The following GLA variants were observed in gnomAD, a reference collection of about 807,000 sequenced individuals.
GLA encodes the protein alpha-galactosidase A.
In GLA, 4 loss-of-function variants were observed where a neutral mutation model predicts 28.2. That is an observed-to-expected ratio of 0.14 (90% CI 0.07 to 0.32). The LOEUF (loss-of-function observed/expected upper bound fraction) is 0.32. GLA is among the 10% of genes least tolerant of loss of function. The pLI, the probability that GLA is intolerant of heterozygous loss-of-function variation, is 1.00. For synonymous variants in GLA, 94 were observed against 113.0 expected, an observed-to-expected ratio of 0.83 and a Z score of 1.07; for missense variants, 203 against 323.7, an observed-to-expected ratio of 0.63 and a Z score of 2.86.
intron 1 of GLA, among the ~76,000 whole-genome samples, chrX:101,405,387 A>C (rs1021208274): frequency 3.6e-5 from 4 of 112,023 alleles, no homozygotes; most frequent in East Asian, 5.5e-4. Context: ...TATTTATTAA[A>C]TGTGGCATTT....
Position 101,407,828 on chromosome X carries a change from T to C in GLA, c.76A>G (p.Ile26Val). 8.3e-7 allele frequency: 1 copy of C among 1,210,923 alleles called. No homozygotes were observed. Among genetic ancestry groups the C allele is most frequent in the Non-Finnish European group, 1.1e-6 (1 of 894,595 alleles). ...TTGTCCAGTGCTCTAGCCCCAGGGATGTCCCAGGAAACGAGGGCCAGGAAG... is the reference window on the plus strand; with the variant it reads ...TTGTCCAGTGCTCTAGCCCCAGGGACGTCCCAGGAAACGAGGGCCAGGAAG... ...LRFLALVSWD[I>V]PGARALDNGL... The change falls in exon 1 of 7, where the codon ATC becomes GTC. Residue 26 changes from isoleucine (I) to valine (V), a missense_variant. By Grantham distance (29) the Ile-to-Val change is conservative (BLOSUM62 3). Transcript: ENST00000218516.
chrX:101,399,295 G>A (rs1468139011), intron 4 of GLA, among the ~76,000 whole-genome samples: 3 of 112,875 alleles, frequency 2.7e-5, no homozygotes, highest in African/African-American at 9.7e-5. Context: ...GGCTGGGCAC[G>A]GTGGCTCATG....
chrX:101,403,772 AGTCCTCTG>A (rs782265160), intron 2 of GLA, 31 bp downstream of exon 2: 1 of 1,162,441 alleles, frequency 8.6e-7, no homozygotes, highest in Non-Finnish European at 1.2e-6. Flanking sequence ...AAGTGCTTAC[AGTCCTCTG>A]AATGAACAAG....
chrX:101,399,250 C>T (rs940323299), intron 4 of GLA, among the ~76,000 whole-genome samples: 3 of 112,501 alleles, frequency 2.7e-5, no homozygotes, highest in Non-Finnish European at 3.7e-5. Flanking sequence ...AAATCCCAGG[C>T]ATATAGTTTG....
At chrX:101,398,670 T>G in intron 5 of GLA, 103 bp from the exon 6 acceptor site, 1 of 1,021,135 alleles carries the variant, frequency 9.8e-7, no homozygotes, top group Admixed American at 2.2e-5. Context: ...CATCCTGCTC[T>G]AAGTACTCTC....
chrX:101,398,961 A>G lies in GLA; in HGVS notation c.640-15T>C. 8.5e-7 allele frequency: 1 copy of G among 1,182,818 alleles called. No individual in the cohort carries two copies. Among genetic ancestry groups the G allele is most frequent in the Non-Finnish European group, 1.1e-6 (1 of 870,134 alleles). On this transcript the variant is annotated splice_polypyrimidine_tract_variant and intron_variant, in intron 4 of 6. Transcript: ENST00000218516. ...GTATAATTGGGCTGTGAAAACAGAT[A>G]TGACTCTTCTGTTTACTTTCTACTA...
rs886039140 is a variant in GLA at position 101,403,967 on chromosome X, C to T, written c.213G>A (p.Glu71=). Residue 71 remains glutamate (E), a synonymous_variant, in exon 2 of 7, where the codon GAG becomes GAA. Coordinates refer to ENST00000218516, the MANE Select transcript of GLA (RefSeq NM_000169.3). ...CTTCTGAGACCATGAGCTCTGCCAT[C>T]TCCATGAAGAGCTTCTCACTGAAAG... ...DSCISEKLFM[E]MAELMVSEGW... The T allele has an allele frequency of 8.3e-7, 1 of 1,208,150 alleles. No individual in the cohort carries two copies. The highest frequency in any genetic ancestry group is 1.1e-6 in the Non-Finnish European group (1 of 892,204).
rs782692856 is a variant in GLA, at chrX:101,398,774, C to T, written c.801+11G>A. On this transcript the variant is annotated intron_variant, in intron 5 of 6. Coordinates refer to ENST00000218516, the MANE Select transcript of GLA (RefSeq NM_000169.3). The stretch of plus-strand genomic sequence containing the variant: ...CGCAGGGTCTTGAACAAGGAGGGCT[C>T]AAGTTTTTACCATATCTGGGTCATT... The T allele has an allele frequency of 1.7e-6, 2 of 1,209,017 alleles. No homozygotes were observed. The highest frequency in any genetic ancestry group is 2.2e-6 in the Non-Finnish European group (2 of 893,096).
Position 101,398,496 on chromosome X carries a change from A to G in GLA, c.873T>C (p.Ala291=). 1 of 1,207,384 alleles carries G rather than the reference A, an allele frequency of 8.3e-7. No individual in the cohort carries two copies. The highest frequency in any genetic ancestry group is 1.1e-6 in the Non-Finnish European group (1 of 891,430). ...VTQMALWAIM[A]APLFMSNDLR... The stretch of plus-strand genomic sequence containing the variant: ...GGTCATTAGACATGAATAAAGGAGC[A>G]GCCATGATAGCCCAGAGGGCCATCT... The change falls in exon 6 of 7, where the codon GCT becomes GCC. Residue 291 remains alanine, a synonymous_variant. Coordinates refer to ENST00000218516, the MANE Select transcript of GLA (RefSeq NM_000169.3).
intron 2 of GLA, among the ~76,000 whole-genome samples, chrX:101,403,509 C>T (rs1429579053): frequency 3.8e-5 from 4 of 106,538 alleles, no homozygotes; most frequent in Non-Finnish European, 7.7e-5. Flanking sequence ...CTCACTGAAA[C>T]TTCCACCTCC....
intron 3 of GLA, 24 bp downstream of exon 3, chrX:101,401,608 T>G: frequency 8.4e-7 from 1 of 1,192,768 alleles, no homozygotes; most frequent in Non-Finnish European, 1.1e-6. Flanking sequence ...CCTTTGTGGC[T>G]AAATCTCTGG....
chrX:101,407,610 C>T, intron 1 of GLA, 100 bp downstream of exon 1: 1 of 796,900 alleles, frequency 1.3e-6, no homozygotes, highest in South Asian at 2.0e-5. Flanking sequence ...TGGGGGAGCT[C>T]TCCCTCGGGC....
chrX:101,406,931 C>T (rs1555986933), intron 1 of GLA, among the ~76,000 whole-genome samples: 1 of 112,802 alleles, frequency 8.9e-6, no homozygotes, highest in Non-Finnish European at 1.9e-5. Flanking sequence ...TCCTTGAAAA[C>T]TCACCTGTGT....
At position 101,399,141 on chromosome X, in the gene GLA, CTTAAAG is replaced by C. The variant is rs199939678; in HGVS notation, c.640-201_640-196del. Among the ~76,000 whole-genome samples, 7,313 of 112,046 alleles carry C rather than the reference CTTAAAG, an allele frequency of 0.065. 271 individuals are homozygous for C. Among genetic ancestry groups the C allele is most frequent in the African/African-American group, 0.14 (4,334 of 30,779 alleles). On this transcript the variant is annotated intron_variant, in intron 4 of 6. Transcript: ENST00000218516. ...AAGTAGGCCATATAACTTGAAATCC[CTTAAAG>C]TTAATTTACTTCTATAATCAGAACT...
intron 1 of GLA, 119 bp downstream of exon 1, chrX:101,407,591 A>G: frequency 3.0e-6 from 2 of 669,112 alleles, no homozygotes; most frequent in Non-Finnish European, 5.0e-6. Context: ...AAGCAGCAGC[A>G]GAGTCGGGTG....
rs869312394 is a variant in GLA at position 101,398,842 on chromosome X, A to C, written c.744T>G (p.Phe248Leu). 8.3e-7 allele frequency: 1 copy of C among 1,210,132 alleles called. No homozygotes were observed. The highest frequency in any genetic ancestry group is 1.1e-6 in the Non-Finnish European group (1 of 893,790). ...SIKSILDWTS[F>L]NQERIVDVAG... ...CAACATCAACAATTCTCTCCTGGTT[A>C]AAAGATGTCCAGTCCAAGATACTCT... Residue 248 changes from phenylalanine (F) to leucine (L), a missense_variant, in exon 5 of 7, where the codon TTT (phenylalanine) becomes TTG (leucine). This residue lies in a region of GLA where 162 missense variants were observed against 246.8 expected (regional missense o/e 0.66). Coordinates refer to ENST00000218516, the MANE Select transcript of GLA (RefSeq NM_000169.3).
Position 101,397,884 on chromosome X carries a change from A to G in GLA, c.1215T>C (p.Ser405=). The G allele has an allele frequency of 8.3e-7, 1 of 1,206,888 alleles. No homozygotes were observed. The highest frequency in any genetic ancestry group is 1.1e-6 in the Non-Finnish European group (1 of 890,633). The part of the protein sequence containing the change: ...GFYEWTSRLR[S]HINPTGTVLL... Reference sequence around the variant, plus strand: ...AAACAGTGCCTGTGGGATTTATGTGACTTCTTAACCTTGAAGTCCATTCAT... The same window carrying G: ...AAACAGTGCCTGTGGGATTTATGTGGCTTCTTAACCTTGAAGTCCATTCAT... Residue 405 remains serine, a synonymous_variant, in exon 7 of 7, where the codon AGT becomes AGC. Coordinates refer to ENST00000218516, the MANE Select transcript of GLA (RefSeq NM_000169.3).
chrX:101,402,560 C>T (rs1225351845), intron 2 of GLA, among the ~76,000 whole-genome samples: 1 of 110,598 alleles, frequency 9.0e-6, no homozygotes, highest in Non-Finnish European at 1.9e-5. Flanking sequence ...GTCAGGAGTT[C>T]GAGACCAGCC....
At chrX:101,402,561 G>A (rs1327003126) in intron 2 of GLA, among the ~76,000 whole-genome samples, 17 of 110,906 alleles carry the variant, frequency 1.5e-4, no homozygotes, top group African/African-American at 9.9e-5. Context: ...TCAGGAGTTC[G>A]AGACCAGCCT....
Sources: allele counts gnomAD v4.1 joint callset (sites outside exome capture counted in the v4.1 genomes callset), GRCh38; gene constraint gnomAD v4.1.1; regional missense constraint gnomAD v4.1.1; transcripts MANE v1.5; gene names NCBI Gene and HGNC (gene_info 2026-07-23, HGNC 2026-07-21).